Variants in RAB27B observed in about 807,000 individuals in gnomAD.
RAB27B encodes the protein ras-related protein Rab-27B.
In RAB27B, 15 loss-of-function variants were observed where a neutral mutation model predicts 24.6. That is an observed-to-expected ratio of 0.61 (90% confidence interval 0.41 to 0.94). The LOEUF (loss-of-function observed/expected upper bound fraction) is 0.94, where lower values mean the gene tolerates loss of function less well. Ranked by LOEUF, RAB27B falls within the 40% of genes least tolerant of loss-of-function variation. The pLI is 0.00. For synonymous variants in RAB27B, 105 were observed against 92.5 expected (o/e 1.14, Z -0.78); for missense variants, 261 against 266.8 (o/e 0.98, Z 0.15).
At chr18:54,790,439 T>C (rs1021638676) in intron 2 of RAB27B, among the ~76,000 whole-genome samples, 2 of 152,142 alleles carry the variant, frequency 1.3e-5, no homozygotes, top group Non-Finnish European at 2.9e-5. Context: ...ATTTTGAAGG[T>C]TGACTACATA....
chr18:54,742,725 C>T (rs1413042877), intron 2 of RAB27B, among the ~76,000 whole-genome samples: 2 of 152,088 alleles, frequency 1.3e-5, no homozygotes, highest in African/African-American at 4.8e-5. Context: ...ACAGCAAATC[C>T]CTGGAGTCTA....
At chr18:54,844,975 C>T (rs1911272172) in intron 1 of RAB27B, among the ~76,000 whole-genome samples, 1 of 152,110 alleles carries the variant, frequency 6.6e-6, no homozygotes, top group Non-Finnish European at 1.5e-5. Context: ...CATCAGGTTT[C>T]CTTTAGAATC....
chr18:54,818,379 T>G (rs984616321), intron 2 of RAB27B, among the ~76,000 whole-genome samples: 3 of 152,210 alleles, frequency 2.0e-5, no homozygotes, highest in Non-Finnish European at 4.4e-5. Context: ...TTTCTAAAAT[T>G]GTGTTCCTTT....
chr18:54,888,165 C>A, intron 5 of RAB27B, 47 bp downstream of exon 5: 1 of 1,597,060 alleles, frequency 6.3e-7, no homozygotes, highest in South Asian at 1.1e-5. Flanking sequence ...CACTGCTGTT[C>A]AGCAAATGGA....
chr18:54,809,065 G>T (rs1909882872), intron 2 of RAB27B, among the ~76,000 whole-genome samples: 1 of 152,198 alleles, frequency 6.6e-6, no homozygotes, highest in African/African-American at 2.4e-5. Flanking sequence ...CATTGAATTT[G>T]TGTCACTGAA....
chr18:54,845,965 C>A (rs996734768), intron 1 of RAB27B, among the ~76,000 whole-genome samples: 1 of 152,170 alleles, frequency 6.6e-6, no homozygotes, highest in African/African-American at 2.4e-5. Context: ...ATATTCTCAG[C>A]TGAGGTCAAA....
intron 1 of RAB27B, among the ~76,000 whole-genome samples, chr18:54,830,907 A>G (rs1036387750): frequency 6.6e-6 from 1 of 152,238 alleles, no homozygotes; most frequent in African/African-American, 2.4e-5. Context: ...CTTTTTAACT[A>G]AACAACTGCT....
At chr18:54,728,913 A>AAC in intron 2 of RAB27B, among the ~76,000 whole-genome samples, 2 of 145,832 alleles carry the variant, frequency 1.4e-5, no homozygotes, top group Admixed American at 6.8e-5. Context: ...CAAAAAAAAA[A>AAC]AAAAAAAAAA....
At chr18:54,843,989 C>A (rs1911219114) in intron 1 of RAB27B, among the ~76,000 whole-genome samples, 2 of 152,292 alleles carry the variant, frequency 1.3e-5, no homozygotes, top group South Asian at 4.2e-4. Flanking sequence ...AGAAGAAAAG[C>A]CATCCCATAA....
At chr18:54,814,452 G>A (rs1910061970) in intron 2 of RAB27B, among the ~76,000 whole-genome samples, 1 of 152,162 alleles carries the variant, frequency 6.6e-6, no homozygotes, top group Admixed American at 6.6e-5. Flanking sequence ...GTGTTGTTGT[G>A]TTGTTTCTCC....
chr18:54,793,429 G>C (rs1261885634), intron 2 of RAB27B, among the ~76,000 whole-genome samples: 1 of 152,126 alleles, frequency 6.6e-6, no homozygotes, highest in Non-Finnish European at 1.5e-5. Context: ...GAGGAACATA[G>C]ATAGGCGATA....
At chr18:54,756,154 C>T (rs1907999238) in intron 2 of RAB27B, among the ~76,000 whole-genome samples, 2 of 152,118 alleles carry the variant, frequency 1.3e-5, no homozygotes, top group Non-Finnish European at 2.9e-5. Flanking sequence ...GATTTTTCAG[C>T]TAGGTCATTC....
intron 2 of RAB27B, among the ~76,000 whole-genome samples, chr18:54,746,291 G>A (rs574559443): frequency 5.9e-5 from 9 of 152,204 alleles, no homozygotes; most frequent in East Asian, 3.9e-4. Flanking sequence ...ATTGCCGGTC[G>A]GATGAGACAA....
chr18:54,786,193 CT>C (rs1338993539), intron 2 of RAB27B, among the ~76,000 whole-genome samples: 1 of 152,156 alleles, frequency 6.6e-6, no homozygotes, highest in East Asian at 1.9e-4. Flanking sequence ...AAAGGATGTC[CT>C]TTCAACTTTG....
At chr18:54,835,166 A>G (rs1220177511) in intron 1 of RAB27B, among the ~76,000 whole-genome samples, 2 of 151,968 alleles carry the variant, frequency 1.3e-5, no homozygotes, top group Admixed American at 6.6e-5. Flanking sequence ...AAATGAAATT[A>G]GATTTTTCAG....
intron 2 of RAB27B, among the ~76,000 whole-genome samples, chr18:54,738,931 C>A (rs1386214202): frequency 6.6e-6 from 1 of 152,102 alleles, no homozygotes; most frequent in Non-Finnish European, 1.5e-5. Context: ...ATTATCACCC[C>A]CCAAATTTCC....
chr18:54,823,996 T>C (rs906103302), upstream of RAB27B, among the ~76,000 whole-genome samples: 2 of 151,890 alleles, frequency 1.3e-5, no homozygotes, highest in Admixed American at 6.6e-5. Flanking sequence ...CTTTTATATG[T>C]CTAATTGGTT....
Position 54,862,711 on chromosome 18 carries a change from G to C in RAB27B, c.-19-14856G>C, listed in dbSNP as rs1448601732. On this transcript the variant is annotated intron_variant, in intron 1 of 5. Coordinates refer to ENST00000262094, the MANE Select transcript of RAB27B (RefSeq NM_004163.4). ...TCACAGGGAATACTGATGATCCCCAGTGTGGGACCCACTGGATTATATACA... is the reference window on the plus strand; with the variant it reads ...TCACAGGGAATACTGATGATCCCCACTGTGGGACCCACTGGATTATATACA... 2.0e-5 allele frequency among the ~76,000 whole-genome samples: 3 copies of C among 152,188 alleles called. No individual in the cohort carries two copies. In the East Asian group the frequency reaches 5.8e-4, roughly 29 times the overall value.
At chr18:54,787,971 T>A (rs1490904395) in intron 2 of RAB27B, among the ~76,000 whole-genome samples, 1 of 152,234 alleles carries the variant, frequency 6.6e-6, no homozygotes, top group African/African-American at 2.4e-5. Context: ...GGTCCCTGGT[T>A]GTCACTCAGA....
Sources: gnomAD v4.1 joint callset for allele counts (sites outside exome capture counted in the v4.1 genomes callset) on GRCh38, gnomAD v4.1.1 for gene constraint, MANE v1.5 for transcripts, NCBI Gene and HGNC (gene_info 2026-07-23, HGNC 2026-07-21) for gene names.